The following RGL1 variants were observed in gnomAD, a reference collection of about 807,000 sequenced individuals.
RGL1 encodes ral guanine nucleotide dissociation stimulator-like 1.
Under a neutral mutation model 95.2 loss-of-function variants are expected in RGL1, and 24 were observed. The observed-to-expected ratio is 0.25, with a 90% CI of 0.18 to 0.35. RGL1 has a LOEUF of 0.35. RGL1 is among the 10% of genes least tolerant of loss of function. RGL1 has a pLI of 1.00. For missense variants in RGL1, 715 were observed against 936.3 expected (o/e 0.76, Z 3.08); for synonymous variants, 329 against 344.9 (o/e 0.95, Z 0.51).
Position 183,874,773 on chromosome 1 carries a change from G to A in RGL1, c.426-5843G>A, listed in dbSNP as rs12061211. On this transcript the variant is annotated intron_variant, in intron 4 of 17. Transcript: ENST00000360851. ...TCCTTTCCAGGAAAAAAACAAAGAG[G>A]AAAGCTTTGTATCTTTCTTTGTTCC... 1.3e-3 allele frequency among the ~76,000 whole-genome samples: 204 copies of A among 152,262 alleles called. 3 individuals carry two copies. In the East Asian group the frequency reaches 0.033, roughly 25 times the overall value.
chr1:183,792,632 A>G (rs1359444176), intron 2 of RGL1, among the ~76,000 whole-genome samples: 2 of 152,182 alleles, frequency 1.3e-5, no homozygotes, highest in African/African-American at 4.8e-5. Flanking sequence ...TACAAAATCA[A>G]CATACAAAAA....
At chr1:183,916,933 G>A (rs1669016418) in intron 16 of RGL1, among the ~76,000 whole-genome samples, 1 of 152,034 alleles carries the variant, frequency 6.6e-6, no homozygotes, top group Non-Finnish European at 1.5e-5. Flanking sequence ...GGTGTATATA[G>A]GATATAATTT....
intron 1 of RGL1, among the ~76,000 whole-genome samples, chr1:183,667,268 A>G (rs1652104506): frequency 6.6e-6 from 1 of 151,344 alleles, no homozygotes; most frequent in Admixed American, 6.6e-5. Context: ...TTGTTTTTTT[A>G]GATCATTCTG....
intron 2 of RGL1, among the ~76,000 whole-genome samples, chr1:183,820,896 G>C (rs1048524405): frequency 8.5e-5 from 13 of 152,086 alleles, no homozygotes; most frequent in Non-Finnish European, 2.9e-5. Context: ...CATACACCAG[G>C]CTGAGGCTGG....
chr1:183,814,530 A>G (rs1475877098), intron 2 of RGL1, among the ~76,000 whole-genome samples: 2 of 152,164 alleles, frequency 1.3e-5, no homozygotes, highest in African/African-American at 2.4e-5. Context: ...CAGTTAATCT[A>G]ATCCTATGTA....
At chr1:183,767,817 G>A (rs77461455) in intron 2 of RGL1, among the ~76,000 whole-genome samples, 24,059 of 151,960 alleles carry the variant, frequency 0.16, 2,403 homozygotes, top group African/African-American at 0.28. Flanking sequence ...GCTGGGTGTG[G>A]TGGTGTACAC....
chr1:183,774,866 G>A (rs1020427578), intron 2 of RGL1, among the ~76,000 whole-genome samples: 2 of 151,998 alleles, frequency 1.3e-5, no homozygotes, highest in African/African-American at 2.4e-5. Flanking sequence ...GAGCCACCAC[G>A]CCTGGCCTAC....
intron 2 of RGL1, among the ~76,000 whole-genome samples, chr1:183,807,016 A>G (rs1661390415): frequency 6.6e-6 from 1 of 152,190 alleles, no homozygotes; most frequent in African/African-American, 2.4e-5. Flanking sequence ...ATGGATGCTT[A>G]GTACCCACTA....
chr1:183,839,218 A>G (rs1172709797), intron 2 of RGL1, among the ~76,000 whole-genome samples: 1 of 152,172 alleles, frequency 6.6e-6, no homozygotes, highest in Non-Finnish European at 1.5e-5. Context: ...TAATTTCTAC[A>G]TATTTCCATC....
intron 15 of RGL1, among the ~76,000 whole-genome samples, chr1:183,916,194 C>T (rs1472507235): frequency 1.3e-5 from 2 of 152,098 alleles, no homozygotes; most frequent in Non-Finnish European, 2.9e-5. Context: ...ACAGCTAAAA[C>T]CTAGGGAAAT....
chr1:183,807,337 A>G (rs896549477), intron 2 of RGL1, among the ~76,000 whole-genome samples: 1 of 152,230 alleles, frequency 6.6e-6, no homozygotes, highest in Non-Finnish European at 1.5e-5. Flanking sequence ...TTGGCTGAAT[A>G]GAGGGGGTGG....
At chr1:183,709,259 A>T (rs1655115776) in intron 1 of RGL1, 1 of 151,738 alleles carries the variant, frequency 6.6e-6, no homozygotes, top group Non-Finnish European at 1.5e-5. Context: ...TGAGTTATTC[A>T]CCCCCTCACC....
intron 2 of RGL1, among the ~76,000 whole-genome samples, chr1:183,782,934 A>G (rs1049456862): frequency 6.6e-6 from 1 of 152,104 alleles, no homozygotes; most frequent in Non-Finnish European, 1.5e-5. Context: ...GCAAGAATCA[A>G]CTTTGCCCAC....
intron 16 of RGL1, 30 bp downstream of exon 16, chr1:183,916,731 G>A (rs1231123614): frequency 6.3e-7 from 1 of 1,597,384 alleles, no homozygotes. Context: ...CCAGGAGCGG[G>A]TTTCCATTTA....
At chr1:183,809,048 A>G (rs1661526622) in intron 2 of RGL1, among the ~76,000 whole-genome samples, 2 of 152,132 alleles carry the variant, frequency 1.3e-5, no homozygotes, top group African/African-American at 2.4e-5. Context: ...GCAAATTGAG[A>G]TATTTGTTGC....
chr1:183,823,988 A>G (rs1662677635), intron 2 of RGL1, among the ~76,000 whole-genome samples: 1 of 151,482 alleles, frequency 6.6e-6, no homozygotes, highest in East Asian at 1.9e-4. Context: ...GGGCCTTGCT[A>G]TGTTACCCAG....
At chr1:183,912,916 G>A (rs1196481870) in intron 15 of RGL1, among the ~76,000 whole-genome samples, 1 of 152,200 alleles carries the variant, frequency 6.6e-6, no homozygotes, top group Non-Finnish European at 1.5e-5. Flanking sequence ...AAGTAATCAT[G>A]TGGCCACATT....
At chr1:183,765,224 C>T (rs781765393) in intron 2 of RGL1, among the ~76,000 whole-genome samples, 11 of 152,208 alleles carry the variant, frequency 7.2e-5, no homozygotes, top group Non-Finnish European at 1.2e-4. Context: ...AAGCTGTGTG[C>T]TCATATCCCA....
intron 4 of RGL1, among the ~76,000 whole-genome samples, chr1:183,872,918 AGG>A (rs546265878): frequency 6.9e-4 from 105 of 152,348 alleles, no homozygotes; most frequent in African/African-American, 2.5e-3. Context: ...ATAATGTGAA[AGG>A]AATTTTTTTT....
Sources: gnomAD v4.1 joint callset for allele counts (sites outside exome capture counted in the v4.1 genomes callset) on GRCh38, gnomAD v4.1.1 for gene constraint, MANE v1.5 for transcripts, NCBI Gene and HGNC (gene_info 2026-07-23, HGNC 2026-07-21) for gene names.